The following LRRTM4 variants were observed in gnomAD, a reference collection of about 807,000 sequenced individuals.
The protein encoded by LRRTM4 is leucine rich repeat transmembrane neuronal 4.
LRRTM4 carries 25 observed loss-of-function variants against 47.6 expected under a neutral mutation model. The ratio of observed to expected loss-of-function variants is 0.53; its 90% CI spans 0.38 to 0.73. The LOEUF (loss-of-function observed/expected upper bound fraction) is 0.73, where lower values mean the gene tolerates loss of function less well. Among genes scored for constraint, LRRTM4 ranks in the 30% least tolerant of loss-of-function variants. The pLI, the probability that LRRTM4 is intolerant of heterozygous loss-of-function variation, is 0.00. For synonymous variants in LRRTM4, 311 were observed against 269.5 expected (o/e 1.15, Z -1.51); for missense variants, 638 against 713.4 (o/e 0.89, Z 1.20).
chr2:76,839,492 G>A (rs1019381577), intron 3 of LRRTM4, among the ~76,000 whole-genome samples: 1 of 151,986 alleles, frequency 6.6e-6, no homozygotes, highest in Non-Finnish European at 1.5e-5. Flanking sequence ...TCTTTTCTTT[G>A]TAGCTAAATA....
chr2:76,786,336 AAAAAAT>A (rs1367150573), intron 3 of LRRTM4, among the ~76,000 whole-genome samples: 9 of 152,274 alleles, frequency 5.9e-5, no homozygotes, highest in South Asian at 2.1e-4. Flanking sequence ...AGAACAAAGC[AAAAAAT>A]AAAAATAAAA....
intron 3 of LRRTM4, among the ~76,000 whole-genome samples, chr2:77,327,988 AG>A (rs1423239474): frequency 6.6e-6 from 1 of 152,168 alleles, no homozygotes; most frequent in African/African-American, 2.4e-5. Context: ...ATATAGGGAA[AG>A]AAAGGGTCCT....
chr2:77,239,437 A>T (rs1454091826), intron 3 of LRRTM4, among the ~76,000 whole-genome samples: 1 of 152,008 alleles, frequency 6.6e-6, no homozygotes, highest in Non-Finnish European at 1.5e-5. Flanking sequence ...TAAACCCATC[A>T]TATACATAGT....
chr2:77,028,614 A>G (rs1678535932), intron 3 of LRRTM4, among the ~76,000 whole-genome samples: 1 of 152,172 alleles, frequency 6.6e-6, no homozygotes, highest in African/African-American at 2.4e-5. Context: ...AGAAGGAAAA[A>G]TATCAAAGAT....
intron 3 of LRRTM4, among the ~76,000 whole-genome samples, chr2:77,220,469 C>T (rs929034364): frequency 3.3e-5 from 5 of 152,166 alleles, no homozygotes; most frequent in East Asian, 3.9e-4. Context: ...AAAAATTAGA[C>T]GAATGGATAA....
chr2:76,937,600 GCT>G (rs1273585601), intron 3 of LRRTM4, among the ~76,000 whole-genome samples: 1 of 152,126 alleles, frequency 6.6e-6, no homozygotes, highest in Non-Finnish European at 1.5e-5. Flanking sequence ...AATGAGTCTT[GCT>G]CTGTCACCCA....
chr2:76,968,383 T>TATATACACAC (rs797010446), intron 3 of LRRTM4, among the ~76,000 whole-genome samples: 69 of 111,374 alleles, frequency 6.2e-4, no homozygotes, highest in East Asian at 3.3e-3. Context: ...TATATATATA[T>TATATACACAC]ACACATACAT....
chr2:76,957,902 A>G (rs945878812), intron 3 of LRRTM4, among the ~76,000 whole-genome samples: 1 of 151,492 alleles, frequency 6.6e-6, no homozygotes, highest in Non-Finnish European at 1.5e-5. Flanking sequence ...ATATGTATAC[A>G]TATATGTGTT....
At chr2:77,017,320 T>TAAATAATTTTTAATATATATCTGATATA (rs1678104430) in intron 3 of LRRTM4, among the ~76,000 whole-genome samples, 2 of 152,240 alleles carry the variant, frequency 1.3e-5, no homozygotes, top group Non-Finnish European at 2.9e-5. Context: ...TACATAAGCT[T>TAAATAATTTTTAATATATATCTGATATA]TTAAATAATC....
chr2:77,187,167 G>A (rs952670118), intron 3 of LRRTM4, among the ~76,000 whole-genome samples: 4 of 152,104 alleles, frequency 2.6e-5, no homozygotes, highest in Admixed American at 2.6e-4. Flanking sequence ...CCAATGTCTG[G>A]ATGTTTGGAT....
At chr2:76,819,209 T>C (rs2103852034) in intron 3 of LRRTM4, among the ~76,000 whole-genome samples, 1 of 151,664 alleles carries the variant, frequency 6.6e-6, no homozygotes, top group Non-Finnish European at 1.5e-5. Flanking sequence ...ATTGCCATGT[T>C]ATTATGTGCC....
chr2:76,829,268 C>T (rs1558680490), intron 3 of LRRTM4, among the ~76,000 whole-genome samples: 1 of 151,828 alleles, frequency 6.6e-6, no homozygotes, highest in African/African-American at 2.4e-5. Context: ...TGAGGGTGTC[C>T]ATACACATGT....
intron 3 of LRRTM4, among the ~76,000 whole-genome samples, chr2:77,034,734 G>A (rs915828157): frequency 6.6e-6 from 1 of 151,860 alleles, no homozygotes; most frequent in East Asian, 1.9e-4. Context: ...AGTGTATCAC[G>A]TCTGCCTGTT....
intron 3 of LRRTM4, among the ~76,000 whole-genome samples, chr2:76,751,119 G>C (rs1672835595): frequency 6.6e-6 from 1 of 151,982 alleles, no homozygotes; most frequent in Non-Finnish European, 1.5e-5. Flanking sequence ...CCATGTTTTT[G>C]AAAAAATACT....
At chr2:77,128,142 C>A (rs200970972) in intron 3 of LRRTM4, among the ~76,000 whole-genome samples, 135 of 142,786 alleles carry the variant, frequency 9.5e-4, no homozygotes, top group African/African-American at 1.5e-3. Context: ...GACTCTGTCT[C>A]AAAAAAAAAA....
intron 3 of LRRTM4, among the ~76,000 whole-genome samples, chr2:76,880,537 A>T (rs899319558): frequency 2.0e-5 from 3 of 152,208 alleles, no homozygotes; most frequent in African/African-American, 7.2e-5. Context: ...ACAAAAAAAA[A>T]TCATGTGACT....
chr2:77,196,256 A>G (rs1363916216), intron 3 of LRRTM4, among the ~76,000 whole-genome samples: 2 of 152,196 alleles, frequency 1.3e-5, no homozygotes, highest in African/African-American at 4.8e-5. Context: ...TAGGTTAGTG[A>G]TAAGATCAGG....
In LRRTM4 at chr2:77,327,450, G is replaced by A. The variant is rs147211793; in HGVS notation, c.1551+190868C>T. ...TAACAATGAGAAGCTATTTGGCCAT[G>A]TATAATAAAGATTGTTATGCAAAAC... is the stretch of plus-strand genomic sequence containing the variant. On this transcript the variant is annotated intron_variant, in intron 3 of 3. Transcript: ENST00000409884. Among the ~76,000 whole-genome samples the A allele has an allele frequency of 1.3e-3, 203 of 152,256 alleles. 1 individual carries two copies. The highest frequency in any genetic ancestry group is 4.7e-3 in the African/African-American group (196 of 41,560).
intron 3 of LRRTM4, among the ~76,000 whole-genome samples, chr2:76,998,767 C>G (rs944745372): frequency 1.0e-4 from 14 of 140,406 alleles, no homozygotes; most frequent in African/African-American, 3.0e-4. Context: ...TCTATATTTT[C>G]TGTTTTTTTT....
Sources: gnomAD v4.1 joint callset for allele counts (sites outside exome capture counted in the v4.1 genomes callset) on GRCh38, gnomAD v4.1.1 for gene constraint, MANE v1.5 for transcripts, NCBI Gene and HGNC (gene_info 2026-07-23, HGNC 2026-07-21) for gene names.